TF: variants seen among roughly 807,000 people sequenced by gnomAD.
The protein encoded by TF is serotransferrin.
TF carries 55 observed loss-of-function variants against 82.4 expected under a neutral mutation model. That is an observed-to-expected ratio of 0.67 (90% CI 0.54 to 0.84). The LOEUF (loss-of-function observed/expected upper bound fraction) is 0.84, where lower values mean the gene tolerates loss of function less well. Among genes scored for constraint, TF ranks in the 40% least tolerant of loss-of-function variants. TF has a pLI of 0.00. For missense variants in TF, 737 were observed against 868.4 expected, an observed-to-expected ratio of 0.85 and a Z score of 1.90; for synonymous variants, 332 against 332.6, an observed-to-expected ratio of 1.00 and a Z score of 0.02.
the TF span, among the ~76,000 whole-genome samples, chr3:133,720,103 C>T: frequency 6.6e-5 from 10 of 151,936 alleles, no homozygotes; most frequent in Non-Finnish European, 8.8e-5. Flanking sequence ...TTTCTCCTTC[C>T]TAACTGTTGT....
chr3:133,701,383 C>A, the TF span, among the ~76,000 whole-genome samples: 1 of 152,220 alleles, frequency 6.6e-6, no homozygotes, highest in Non-Finnish European at 1.5e-5. Context: ...CCACTACCAC[C>A]ATCCAGAGGT....
intron 2 of TF, among the ~76,000 whole-genome samples, chr3:133,751,432 C>T (rs1006110717): frequency 2.6e-5 from 4 of 151,764 alleles, no homozygotes; most frequent in African/African-American, 4.8e-5. Context: ...GGGGTTTCAC[C>T]GTGTTAGCCA....
At chr3:133,679,631 G>C in the TF span, among the ~76,000 whole-genome samples, 2 of 90,500 alleles carry the variant, frequency 2.2e-5, no homozygotes, top group South Asian at 3.5e-4. Context: ...CCATGTTCTT[G>C]TGTGTAGCAT....
At chr3:133,759,785 G>A (rs1933940702) in intron 9 of TF, among the ~76,000 whole-genome samples, 1 of 152,146 alleles carries the variant, frequency 6.6e-6, no homozygotes, top group African/African-American at 2.4e-5. Context: ...GAGCCCAGGA[G>A]TTCAGGGCTA....
chr3:133,794,804 T>A lies in TF; in HGVS notation c.*16184T>A, dbSNP rs1934926558. The A allele has an allele frequency of 6.6e-6, 1 of 152,006 alleles. No homozygotes were observed. The highest frequency in any genetic ancestry group is 2.4e-5 in the African/African-American group (1 of 41,350). 9.4% of individuals were successfully genotyped at this position (152,006 alleles called of 1,614,324 possible). On this transcript the variant is annotated 3_prime_UTR_variant, in exon 17 of 17. Transcript: ENST00000402696. The stretch of plus-strand genomic sequence containing the variant: ...TTTCCCAAGATCATGAATCAAGACT[T>A]CTCTATTATCATGAGACTCTTATCT...
chr3:133,675,074 G>A, the TF span, among the ~76,000 whole-genome samples: 1 of 151,722 alleles, frequency 6.6e-6, no homozygotes, highest in Non-Finnish European at 1.5e-5. Flanking sequence ...ATGAAACCCC[G>A]TCTCTACTAA....
chr3:133,719,190 T>A, the TF span, among the ~76,000 whole-genome samples: 1 of 152,178 alleles, frequency 6.6e-6, no homozygotes, highest in Non-Finnish European at 1.5e-5. Context: ...AGGAGTGTGA[T>A]AAAATTCCTG....
At chr3:133,691,414 A>C in the TF span, among the ~76,000 whole-genome samples, 963 of 152,362 alleles carry the variant, frequency 6.3e-3, 5 homozygotes, top group Non-Finnish European at 0.01. Flanking sequence ...TAGAACAGAC[A>C]AACATGCCTC....
chr3:133,728,782 GT>G, the TF span, among the ~76,000 whole-genome samples: 3 of 152,108 alleles, frequency 2.0e-5, no homozygotes, highest in Non-Finnish European at 4.4e-5. Flanking sequence ...CATCTTTGTG[GT>G]TTTATCTACT....
the TF span, among the ~76,000 whole-genome samples, chr3:133,727,254 G>T: frequency 1.3e-5 from 2 of 151,980 alleles, no homozygotes; most frequent in African/African-American, 4.8e-5. Flanking sequence ...TGATAGTGGG[G>T]TGTTAAAGTC....
At chr3:133,694,293 G>T in the TF span, 1 of 152,854 alleles carries the variant, frequency 6.5e-6, no homozygotes, top group Non-Finnish European at 1.5e-5. Context: ...TCAACTGTGT[G>T]CAGGGAAAGG....
rs772577675 is a variant in TF at position 133,757,723 on chromosome 3, C to CCA, written c.871-45_871-44insAC. ...TCTCTTCAGTCCCATTTCTCAGCCT[C>CCA]CTTTCTTCTGTGTTGCCATCCACTA... On this transcript the variant is annotated intron_variant, in intron 7 of 16. Coordinates refer to ENST00000402696, the MANE Select transcript of TF (RefSeq NM_001063.4). 5.1e-6 allele frequency: 8 copies of CCA among 1,560,474 alleles called. No individual in the cohort carries two copies. In the East Asian group the frequency reaches 1.8e-4, roughly 35 times the overall value.
chr3:133,765,059 T>C, intron 11 of TF, 152 bp downstream of exon 11: 1 of 796,540 alleles, frequency 1.3e-6, no homozygotes, highest in Non-Finnish European at 2.1e-6. Flanking sequence ...TGGATAATGA[T>C]GGTTATCCCT....
At chr3:133,776,120 G>A (rs1282481094) in intron 15 of TF, among the ~76,000 whole-genome samples, 3 of 152,152 alleles carry the variant, frequency 2.0e-5, no homozygotes, top group African/African-American at 7.2e-5. Context: ...TTGTTCAGGG[G>A]TACCCTCATT....
At position 133,757,872 on chromosome 3, in the gene TF, C is replaced by T. The variant is rs1306194007; in HGVS notation, c.974C>T (p.Pro325Leu). Reference protein sequence around the residue: ...KDSAHGFLKVPPRMDAKMYLG... With the variant: ...KDSAHGFLKVLPRMDAKMYLG... ...TCTGCCCACGGGTTTTTAAAAGTCC[C>T]CCCCAGGATGGATGCCAAGATGTAC... The change falls in exon 8 of 17, where the codon CCC (proline) becomes CTC (leucine). Residue 325 changes from proline (P) to leucine (L), a missense_variant. Physicochemically the swap from Pro to Leu is moderately conservative, Grantham distance 98. Coordinates refer to ENST00000402696, the MANE Select transcript of TF (RefSeq NM_001063.4). 1.2e-6 allele frequency: 2 copies of T among 1,614,190 alleles called. No homozygotes were observed. Among genetic ancestry groups the T allele is most frequent in the African/African-American group, 1.3e-5 (1 of 75,038 alleles).
chr3:133,732,323 G>A, the TF span, among the ~76,000 whole-genome samples: 2 of 152,162 alleles, frequency 1.3e-5, no homozygotes, highest in Non-Finnish European at 2.9e-5. Flanking sequence ...AGTGCTCTGT[G>A]TCTAGCTAAA....
At chr3:133,694,013 A>G in the TF span, among the ~76,000 whole-genome samples, 1 of 152,146 alleles carries the variant, frequency 6.6e-6, no homozygotes, top group African/African-American at 2.4e-5. Context: ...ACCCTGGGCC[A>G]CACACTCCCT....
intron 11 of TF, among the ~76,000 whole-genome samples, 173 bp from the exon 12 acceptor site, chr3:133,766,105 C>T (rs1287144700): frequency 6.6e-6 from 1 of 152,202 alleles, no homozygotes; most frequent in African/African-American, 2.4e-5. Context: ...TCAGATTAAT[C>T]TTCTCCTGAC....
At chr3:133,696,088 G>GAT in the TF span, among the ~76,000 whole-genome samples, 4 of 152,174 alleles carry the variant, frequency 2.6e-5, no homozygotes, top group African/African-American at 9.6e-5. Flanking sequence ...GAGAGAGAGA[G>GAT]AGGCCATATT....
Sources: gnomAD v4.1 joint callset for allele counts (sites outside exome capture counted in the v4.1 genomes callset) on GRCh38, gnomAD v4.1.1 for gene constraint, MANE v1.5 for transcripts, NCBI Gene and HGNC (gene_info 2026-07-23, HGNC 2026-07-21) for gene names.